CFAP47: variants seen among roughly 807,000 people sequenced by gnomAD.
The protein encoded by CFAP47 is cilia- and flagella-associated protein 47.
CFAP47 carries 29 observed loss-of-function variants against 148.1 expected under a neutral mutation model. The observed-to-expected ratio is 0.20, with a 90% CI of 0.15 to 0.27. CFAP47 has a LOEUF of 0.27. CFAP47 is among the 10% of genes least tolerant of loss of function. The pLI is 1.00. For synonymous variants in CFAP47, 664 were observed against 577.3 expected (o/e 1.15, Z -2.15); for missense variants, 1,872 against 1,697.5 (o/e 1.10, Z -1.81).
intron 2 of CFAP47, among the ~76,000 whole-genome samples, chrX:35,927,999 A>T (rs1384699265): frequency 2.5e-4 from 21 of 83,913 alleles, no homozygotes; most frequent in African/African-American, 5.5e-4. Flanking sequence ...ATTCTATTTT[A>T]TATATATATA....
At chrX:36,323,042 A>G (rs1372787353) in intron 57 of CFAP47, among the ~76,000 whole-genome samples, 1 of 110,993 alleles carries the variant, frequency 9.0e-6, no homozygotes, top group Non-Finnish European at 1.9e-5. Context: ...TAGGGACACT[A>G]TCATGTAACA....
intron 41 of CFAP47, among the ~76,000 whole-genome samples, chrX:36,189,725 A>G (rs1555986210): frequency 8.9e-6 from 1 of 112,159 alleles, no homozygotes; most frequent in Non-Finnish European, 1.9e-5. Flanking sequence ...TATCCATTGT[A>G]CCCTGTGAAA....
intron 57 of CFAP47, among the ~76,000 whole-genome samples, chrX:36,321,016 C>A (rs1941474322): frequency 8.9e-6 from 1 of 111,764 alleles, no homozygotes. Flanking sequence ...ATCCAGCAAT[C>A]CCACTGCTAG....
chrX:36,098,892 C>T lies in CFAP47; in HGVS notation c.4998+18C>T. ...AAATTATGGTAAGAAAATATAATTT[C>T]TTGGAACAAACCACACAGTTATTAT... On this transcript the variant is annotated intron_variant, in intron 31 of 63. Transcript: ENST00000378653. The T allele has an allele frequency of 1.0e-6, 1 of 954,055 alleles. No individual in the cohort carries two copies. Among genetic ancestry groups the T allele is most frequent in the Non-Finnish European group, 1.5e-6 (1 of 675,350 alleles). 78.6% of individuals were successfully genotyped at this position (954,055 alleles called of 1,213,427 possible).
At chrX:36,159,686 C>A in intron 38 of CFAP47, 110 bp downstream of exon 38, 1 of 286,516 alleles carries the variant, frequency 3.5e-6, no homozygotes, top group Non-Finnish European at 6.1e-6. Flanking sequence ...CTTGAGTCAT[C>A]CCTGTGCCAT....
intron 23 of CFAP47, among the ~76,000 whole-genome samples, chrX:36,034,445 A>G (rs1403258778): frequency 9.0e-6 from 1 of 111,245 alleles, no homozygotes; most frequent in African/African-American, 3.3e-5. Flanking sequence ...TTTAGCCTAC[A>G]ATCAAGTGGT....
intron 49 of CFAP47, among the ~76,000 whole-genome samples, chrX:36,257,414 T>C (rs1940766012): frequency 1.8e-5 from 2 of 110,526 alleles, no homozygotes; most frequent in African/African-American, 3.3e-5. Flanking sequence ...TTTCTTTTTC[T>C]TTTTTCTTTC....
At chrX:36,374,701 T>A in intron 62 of CFAP47, 2 of 366,741 alleles carry the variant, frequency 5.5e-6, no homozygotes, top group Non-Finnish European at 9.5e-6. Flanking sequence ...CTGCATCCCA[T>A]TAAGTTTTGT....
At chrX:36,252,112 C>T (rs1555998324) in intron 49 of CFAP47, among the ~76,000 whole-genome samples, 2 of 110,724 alleles carry the variant, frequency 1.8e-5, no homozygotes, top group Non-Finnish European at 3.8e-5. Context: ...TAGTTGGATA[C>T]TGTTGAGGAA....
rs1285070636 is a variant in CFAP47 at position 36,349,977 on chromosome X, GC to G, written c.8604-60del. ...ATACCATAAAGTTAATAAATAATAA[GC>G]TTTTTGTTAATATGGAGTTTCTCCT... On this transcript the variant is annotated intron_variant, in intron 58 of 63. Coordinates refer to ENST00000378653, the MANE Select transcript of CFAP47 (RefSeq NM_001304548.2). 4 of 686,663 alleles carry G rather than the reference GC, an allele frequency of 5.8e-6. No homozygotes were observed. The East Asian group carries it at 1.5e-4, about 25-fold the overall frequency. 56.6% of individuals were successfully genotyped at this position (686,663 alleles called of 1,213,427 possible).
In CFAP47 at chrX:36,046,003, T is replaced by C. The variant is rs183239218; in HGVS notation, c.4008-851T>C. On this transcript the variant is annotated intron_variant, in intron 25 of 63. Transcript: ENST00000378653. Reference sequence around the variant, plus strand: ...TAGCTAAGTAATAACTGAATTATTTTCAAACTGGATTTATAAATTACTTTC... The same window carrying C: ...TAGCTAAGTAATAACTGAATTATTTCCAAACTGGATTTATAAATTACTTTC... Among the ~76,000 whole-genome samples, 1,085 of 111,747 alleles carry C rather than the reference T, an allele frequency of 9.7e-3. 6 individuals carry two copies. Among genetic ancestry groups the C allele is most frequent in the Non-Finnish European group, 0.014 (739 of 53,040 alleles).
At chrX:35,943,527 T>G (rs902918165) in intron 3 of CFAP47, among the ~76,000 whole-genome samples, 2 of 111,524 alleles carry the variant, frequency 1.8e-5, no homozygotes, top group African/African-American at 6.5e-5. Context: ...TGAATAACTT[T>G]TGTTTCCTCA....
intron 20 of CFAP47, among the ~76,000 whole-genome samples, chrX:36,000,649 G>A (rs1048641303): frequency 1.2e-4 from 13 of 111,286 alleles, no homozygotes; most frequent in South Asian, 7.4e-4. Flanking sequence ...AAACGTAACC[G>A]TTCTTATTAG....
chrX:36,204,740 G>A (rs1404256887), intron 44 of CFAP47, among the ~76,000 whole-genome samples: 3 of 111,076 alleles, frequency 2.7e-5, no homozygotes, highest in Non-Finnish European at 5.7e-5. Flanking sequence ...TAGCACGGGG[G>A]ACATTGGTCA....
intron 48 of CFAP47, among the ~76,000 whole-genome samples, chrX:36,248,384 CAT>C (rs1940647670): frequency 9.7e-6 from 1 of 103,219 alleles, no homozygotes; most frequent in Non-Finnish European, 2.0e-5. Context: ...TATATTATAA[CAT>C]ATTATATATT....
rs1404165571 is a variant in CFAP47 at position 36,366,987 on chromosome X, A to G, written c.9045A>G (p.Ile3015Met). The G allele has an allele frequency of 8.7e-7, 1 of 1,144,608 alleles. No homozygotes were observed. The highest frequency in any genetic ancestry group is 1.8e-5 in the African/African-American group (1 of 55,700). The allele number at this position is 1,144,608 out of a possible 1,213,427, so 94.3% of individuals were successfully genotyped here. ...KPLRSHITLK[I>M]ECVTEGIWKF... ...CAAGGTCTCACATAACACTGAAAATAGAGTGCGTAACAGAAGGGATCTGGA... is the reference window on the plus strand; with the variant it reads ...CAAGGTCTCACATAACACTGAAAATGGAGTGCGTAACAGAAGGGATCTGGA... Residue 3015 changes from isoleucine (I) to methionine (M), a missense_variant, in exon 62 of 64, where the codon ATA becomes ATG. Ile to Met is a conservative substitution (Grantham distance 10). Coordinates refer to ENST00000378653, the MANE Select transcript of CFAP47 (RefSeq NM_001304548.2).
intron 3 of CFAP47, among the ~76,000 whole-genome samples, chrX:35,944,139 A>C (rs182186618): frequency 9.0e-6 from 1 of 110,874 alleles, no homozygotes; most frequent in Non-Finnish European, 1.9e-5. Flanking sequence ...TCTCTACTTC[A>C]TTGTCTAAAA....
At chrX:36,224,834 T>C (rs943255861) in intron 45 of CFAP47, among the ~76,000 whole-genome samples, 1 of 111,817 alleles carries the variant, frequency 8.9e-6, no homozygotes, top group Non-Finnish European at 1.9e-5. Context: ...CACTAAGTTT[T>C]TGGGTAGTTT....
chrX:36,149,142 T>G lies in CFAP47; in HGVS notation c.5705T>G (p.Val1902Gly), dbSNP rs1602013614. 1 of 296,818 alleles carries G rather than the reference T, an allele frequency of 3.4e-6. No individual in the cohort carries two copies. The highest frequency in any genetic ancestry group is 4.8e-5 in the East Asian group (1 of 20,951). The allele number at this position is 296,818 out of a possible 1,213,427, so 24.5% of individuals were successfully genotyped here. A position where few individuals can be genotyped will look rare whatever the true frequency, so the allele number is the denominator to read the frequency against. Residue 1902 changes from valine to glycine, a missense_variant, in exon 37 of 64, where the codon GTG (valine) becomes GGG (glycine). Transcript: ENST00000378653. Reference sequence around the variant, plus strand: ...AAAAATTCCAGCTCGCGAAACTTAGTGTATAATGCTAGAATTGTTGGAAGA... The same window carrying G: ...AAAAATTCCAGCTCGCGAAACTTAGGGTATAATGCTAGAATTGTTGGAAGA... ...LLKNSSSRNL[V>G]YNARIVGRDA... is the part of the protein sequence containing the mutation.
Sources: allele counts gnomAD v4.1 joint callset (sites outside exome capture counted in the v4.1 genomes callset), GRCh38; gene constraint gnomAD v4.1.1; transcripts MANE v1.5; gene names NCBI Gene and HGNC (gene_info 2026-07-23, HGNC 2026-07-21).